Variants in CCDC148 observed in about 807,000 individuals in gnomAD.
CCDC148 encodes coiled-coil domain containing 148, also known as coiled-coil domain-containing protein 148.
Under a neutral mutation model 85.7 loss-of-function variants are expected in CCDC148, and 89 were observed. The ratio of observed to expected loss-of-function variants is 1.04; its 90% confidence interval spans 0.87 to 1.24. The LOEUF (loss-of-function observed/expected upper bound fraction) is 1.24. CCDC148 is among the 50% of genes most tolerant of loss of function. The probability of loss-of-function intolerance (pLI) is 0.00; values close to 1 mark genes in which losing one functional copy is unlikely to be tolerated. For synonymous variants in CCDC148, 230 were observed against 213.9 expected (o/e 1.08, Z -0.66); for missense variants, 692 against 671.7 (o/e 1.03, Z -0.33).
intron 1 of CCDC148, among the ~76,000 whole-genome samples, chr2:158,421,400 A>G (rs1039369835): frequency 6.6e-6 from 1 of 152,246 alleles, no homozygotes; most frequent in African/African-American, 2.4e-5. Flanking sequence ...CTCAGACTAC[A>G]GTGCAATCAA....
chr2:158,243,544 G>A (rs62176915), intron 10 of CCDC148, among the ~76,000 whole-genome samples: 31,024 of 151,988 alleles, frequency 0.2, 3,361 homozygotes, highest in Non-Finnish European at 0.23. Flanking sequence ...GTCTCCTGCC[G>A]AGATGGCTGA....
At chr2:158,183,963 C>T (rs1685031876) in intron 11 of CCDC148, among the ~76,000 whole-genome samples, 2 of 152,106 alleles carry the variant, frequency 1.3e-5, no homozygotes, top group Admixed American at 1.3e-4. Flanking sequence ...CAGATCAAAG[C>T]AGGCAGGCCA....
chr2:158,436,909 C>T (rs1005871704), intron 1 of CCDC148, among the ~76,000 whole-genome samples: 3 of 152,142 alleles, frequency 2.0e-5, no homozygotes, highest in African/African-American at 7.2e-5. Flanking sequence ...CACATACACC[C>T]TCTCAAGACT....
rs569040865 is a variant in CCDC148 at position 158,255,996 on chromosome 2, C to T, written c.1111-5084G>A. ...AAAATGAAAATGGTTAGTAGCATTA[C>T]ATGTACTCCTCACTCTTAATGTACA... is the stretch of plus-strand genomic sequence containing the variant. On this transcript the variant is annotated intron_variant, in intron 9 of 13. Transcript: ENST00000283233. 2.6e-5 allele frequency among the ~76,000 whole-genome samples: 4 copies of T among 151,866 alleles called. No homozygotes were observed. The East Asian group carries it at 7.8e-4, about 29-fold the overall frequency.
intron 9 of CCDC148, among the ~76,000 whole-genome samples, chr2:158,275,002 T>C (rs779264319): frequency 1.1e-4 from 17 of 152,306 alleles, no homozygotes; most frequent in Non-Finnish European, 2.1e-4. Context: ...CCACAAAATG[T>C]GGGAACAAGG....
At chr2:158,356,875 TATACACC>T (rs1436969863) in intron 2 of CCDC148, among the ~76,000 whole-genome samples, 1 of 130,650 alleles carries the variant, frequency 7.7e-6, no homozygotes, top group Non-Finnish European at 1.6e-5. Context: ...ATGTGGCACA[TATACACC>T]ATGGAATACT....
chr2:158,279,915 A>G (rs1275596009), intron 9 of CCDC148, among the ~76,000 whole-genome samples: 1 of 151,700 alleles, frequency 6.6e-6, no homozygotes, highest in African/African-American at 2.4e-5. Flanking sequence ...CCATCAGACT[A>G]ACAGCGGATC....
At chr2:158,421,997 G>A (rs528240670) in intron 1 of CCDC148, among the ~76,000 whole-genome samples, 18 of 152,138 alleles carry the variant, frequency 1.2e-4, no homozygotes, top group Non-Finnish European at 1.2e-4. Flanking sequence ...AGAAGAAATG[G>A]ATAAATTCCT....
At position 158,347,947 on chromosome 2, in the gene CCDC148, C is replaced by T. The variant is rs565193370; in HGVS notation, c.148-2629G>A. ...CAGTAAGATGCAATTTCTCATTTAT[C>T]GGGTTGACAAAAACTCAATTGTTTA... On this transcript the variant is annotated intron_variant, in intron 2 of 13. Coordinates refer to ENST00000283233, the MANE Select transcript of CCDC148 (RefSeq NM_138803.4). Among the ~76,000 whole-genome samples, 22 of 152,090 alleles carry T rather than the reference C, an allele frequency of 1.4e-4. No individual in the cohort carries two copies. The East Asian group carries it at 2.5e-3, about 17-fold the overall frequency.
At chr2:158,394,262 G>C (rs2105299640) in intron 1 of CCDC148, among the ~76,000 whole-genome samples, 1 of 152,154 alleles carries the variant, frequency 6.6e-6, no homozygotes, top group Non-Finnish European at 1.5e-5. Context: ...ATTATAGTAA[G>C]GCAAAGCAAT....
chr2:158,250,933 T>G (rs763469156), intron 9 of CCDC148, 21 bp from the exon 10 acceptor site: 3 of 1,589,836 alleles, frequency 1.9e-6, no homozygotes, highest in Non-Finnish European at 2.6e-6. Flanking sequence ...GAGAAAAACT[T>G]CATTCCAGTA....
At chr2:158,434,538 G>A (rs1687542765) in intron 1 of CCDC148, among the ~76,000 whole-genome samples, 1 of 152,154 alleles carries the variant, frequency 6.6e-6, no homozygotes, top group African/African-American at 2.4e-5. Context: ...CAGAAAAGCT[G>A]AAAATATTAA....
chr2:158,186,194 G>T lies in CCDC148; in HGVS notation c.1371-7198C>A, dbSNP rs555575129. On this transcript the variant is annotated intron_variant, in intron 11 of 13. Transcript: ENST00000283233. ...TGGTTCTTGGAATTAACTACTGACT[G>T]GCTGGGTCAGTGTCCAATATTTACT... is the stretch of plus-strand genomic sequence containing the variant. 8.5e-5 allele frequency among the ~76,000 whole-genome samples: 13 copies of T among 152,158 alleles called. No individual in the cohort carries two copies. In the East Asian group the frequency reaches 2.3e-3, roughly 27 times the overall value.
rs1684315383 is a variant in CCDC148, at chr2:158,171,281, T to C, written c.*832A>G. On this transcript the variant is annotated 3_prime_UTR_variant, in exon 14 of 14. Coordinates refer to ENST00000283233, the MANE Select transcript of CCDC148 (RefSeq NM_138803.4). ...ATAGACAGAAAAAGGAGTGGGGTAA[T>C]CTTAACTGTAACAATGGCAACTTTC... is the stretch of plus-strand genomic sequence containing the variant. The C allele has an allele frequency of 6.6e-6, 1 of 151,820 alleles. No individual in the cohort carries two copies. The highest frequency in any genetic ancestry group is 1.5e-5 in the Non-Finnish European group (1 of 67,922). The allele number at this position is 151,820 out of a possible 1,614,324, so 9.4% of individuals were successfully genotyped here.
intron 1 of CCDC148, among the ~76,000 whole-genome samples, chr2:158,427,995 T>A (rs181827465): frequency 1.3e-5 from 2 of 151,672 alleles, no homozygotes; most frequent in African/African-American, 4.8e-5. Flanking sequence ...ACACAGAGAG[T>A]CTTTTAGGCT....
At position 158,261,027 on chromosome 2, in the gene CCDC148, A is replaced by G. The variant is rs535837802; in HGVS notation, c.1111-10115T>C. 9.9e-5 allele frequency among the ~76,000 whole-genome samples: 15 copies of G among 152,214 alleles called. No individual in the cohort carries two copies. The East Asian group carries it at 2.9e-3, about 29-fold the overall frequency. On this transcript the variant is annotated intron_variant, in intron 9 of 13. Coordinates refer to ENST00000283233, the MANE Select transcript of CCDC148 (RefSeq NM_138803.4). Reference sequence around the variant, plus strand: ...CTAAAAAAACTATTTTAAAATTTATATGAAACCAAAAAAGAGCCCAAATAG... The same window carrying G: ...CTAAAAAAACTATTTTAAAATTTATGTGAAACCAAAAAAGAGCCCAAATAG...
chr2:158,419,179 T>C (rs1285463370), intron 1 of CCDC148, among the ~76,000 whole-genome samples: 4 of 152,110 alleles, frequency 2.6e-5, no homozygotes, highest in Non-Finnish European at 5.9e-5. Flanking sequence ...CTTTTAATAT[T>C]TGGAAACAAG....
chr2:158,327,792 TG>T (rs1692858530), intron 7 of CCDC148, among the ~76,000 whole-genome samples: 1 of 152,196 alleles, frequency 6.6e-6, no homozygotes, highest in Non-Finnish European at 1.5e-5. Flanking sequence ...AAATATCACT[TG>T]TTCAAGTTTT....
intron 11 of CCDC148, among the ~76,000 whole-genome samples, chr2:158,198,189 T>C (rs1685773298): frequency 6.6e-6 from 1 of 152,176 alleles, no homozygotes; most frequent in Non-Finnish European, 1.5e-5. Flanking sequence ...GACTCATCCC[T>C]GGCACCCCCT....
Sources: gnomAD v4.1 joint callset for allele counts (sites outside exome capture counted in the v4.1 genomes callset) on GRCh38, gnomAD v4.1.1 for gene constraint, MANE v1.5 for transcripts, NCBI Gene and HGNC (gene_info 2026-07-23, HGNC 2026-07-21) for gene names.